Variants in OXTR observed in about 807,000 individuals in gnomAD.
OXTR encodes oxytocin receptor.
In OXTR, 19 loss-of-function variants were observed where a neutral mutation model predicts 23.9. That is an observed-to-expected ratio of 0.80 (90% CI 0.56 to 1.17). The LOEUF is 1.17. OXTR is among the 50% of genes most tolerant of loss of function. The probability of loss-of-function intolerance (pLI) is 0.00; values close to 1 mark genes in which losing one functional copy is unlikely to be tolerated. For synonymous variants in OXTR, 278 were observed against 250.5 expected, an observed-to-expected ratio of 1.11 and a Z score of -1.04; for missense variants, 500 against 550.7, an observed-to-expected ratio of 0.91 and a Z score of 0.92.
chr3:8,761,079 A>G (rs950800748), intron 3 of OXTR, among the ~76,000 whole-genome samples: 5 of 152,240 alleles, frequency 3.3e-5, no homozygotes, highest in African/African-American at 1.2e-4. Context: ...TACCATGCAC[A>G]GAACAGCTCC....
intron 3 of OXTR, among the ~76,000 whole-genome samples, chr3:8,758,753 C>T (rs1367223280): frequency 1.3e-5 from 2 of 152,186 alleles, no homozygotes; most frequent in Non-Finnish European, 2.9e-5. Flanking sequence ...TCTGACAGCA[C>T]TGCTCCAATC....
chr3:8,752,240 C>CGTGTGTGTGTGTGTGTGT lies in OXTR; in HGVS notation c.*719_*736dup, dbSNP rs35783701. ...GCTTATTAGTTCTAATAGCTGTGTG[C>CGTGTGTGTGTGTGTGTGT]GTGTGTGTGTGTGTGTGTGTGTGTG... On this transcript the variant is annotated 3_prime_UTR_variant, in exon 4 of 4. Coordinates refer to ENST00000316793, the MANE Select transcript of OXTR (RefSeq NM_000916.4). 6 of 147,750 alleles carry CGTGTGTGTGTGTGTGTGT rather than the reference C, an allele frequency of 4.1e-5. No individual in the cohort carries two copies. The highest frequency in any genetic ancestry group is 6.8e-5 in the Admixed American group (1 of 14,782). The allele number at this position is 147,750 out of a possible 1,614,324, so 9.2% of individuals were successfully genotyped here.
chr3:8,761,461 A>T (rs934364383), intron 3 of OXTR, among the ~76,000 whole-genome samples: 31 of 152,210 alleles, frequency 2.0e-4, no homozygotes, highest in African/African-American at 7.5e-4. Flanking sequence ...GAGATCCCCA[A>T]GTCGAAGGTG....
chr3:8,748,519 G>T (rs1708204256), downstream of OXTR, among the ~76,000 whole-genome samples: 1 of 152,186 alleles, frequency 6.6e-6, no homozygotes, highest in Non-Finnish European at 1.5e-5. Context: ...GGGATCTGGG[G>T]TCTACAAGCC....
At position 8,763,778 on chromosome 3, in the gene OXTR, G is replaced by A. The variant is rs530979130; in HGVS notation, c.922+3488C>T. ...AGATGCTCCCATTGGCTCTTTCTTCGGAATCATGGAAATATTTAAACTTAA... is the reference window on the plus strand; with the variant it reads ...AGATGCTCCCATTGGCTCTTTCTTCAGAATCATGGAAATATTTAAACTTAA... On this transcript the variant is annotated intron_variant, in intron 3 of 3. Transcript: ENST00000316793. 1.2e-4 allele frequency among the ~76,000 whole-genome samples: 18 copies of A among 152,164 alleles called. No homozygotes were observed. In the South Asian group the frequency reaches 1.7e-3, roughly 14 times the overall value.
Position 8,767,536 on chromosome 3 carries a change from C to A in OXTR, c.652G>T (p.Ala218Ser). 6.2e-7 allele frequency: 1 copy of A among 1,612,956 alleles called. No individual in the cohort carries two copies. Among genetic ancestry groups the A allele is most frequent in the Non-Finnish European group, 8.5e-7 (1 of 1,179,602 alleles). Residue 218 changes from alanine to serine, a missense_variant, in exon 3 of 4, where the codon GCC becomes TCC. Physicochemically the swap from Ala to Ser is moderately conservative, Grantham distance 99. Coordinates refer to ENST00000316793, the MANE Select transcript of OXTR (RefSeq NM_000916.4). ...VYIVPVIVLA[A>S]CYGLISFKIW... Reference sequence around the variant, plus strand: ...TTGAAGCTGATAAGGCCGTAGCAGGCAGCGAGCACGATGACCGGCACGATG... The same window carrying A: ...TTGAAGCTGATAAGGCCGTAGCAGGAAGCGAGCACGATGACCGGCACGATG...
rs1304406777 is a variant in OXTR at position 8,753,071 on chromosome 3, T to A, written c.1076A>T (p.Glu359Val). 6.2e-7 allele frequency: 1 copy of A among 1,613,896 alleles called. No individual in the cohort carries two copies. The highest frequency in any genetic ancestry group is 1.7e-5 in the Admixed American group (1 of 60,002). ...GTTGCTCTTTTTGCTGGCACTCGTC[T>A]CTCCCAGGCGTCTGCCCTTCAGGTA... ...ASYLKGRRLGETSASKKSNSS... is the reference protein window; with the variant it reads ...ASYLKGRRLGVTSASKKSNSS... Residue 359 changes from glutamate (E) to valine (V), a missense_variant, in exon 4 of 4, where the codon GAG becomes GTG. Transcript: ENST00000316793.
In OXTR at chr3:8,753,121, C is replaced by T. The variant is rs1708302200; in HGVS notation, c.1026G>A (p.Gln342=). 1.9e-6 allele frequency: 3 copies of T among 1,614,040 alleles called. No individual in the cohort carries two copies. Among genetic ancestry groups the T allele is most frequent in the Non-Finnish European group, 2.5e-6 (3 of 1,180,046 alleles). The change falls in exon 4 of 4, where the codon CAG becomes CAA. Residue 342 remains glutamine (Q), a synonymous_variant. Coordinates refer to ENST00000316793, the MANE Select transcript of OXTR (RefSeq NM_000916.4). The part of the protein sequence containing the change: ...FTGHLFHELV[Q]RFLCCSASYL... ...AGCTGGCGGAGCAGCACAGGAAGCG[C>T]TGCACGAGTTCGTGGAAGAGGTGGC...
the OXTR span, among the ~76,000 whole-genome samples, chr3:8,741,787 C>T: frequency 1.3e-5 from 2 of 152,182 alleles, no homozygotes; most frequent in Non-Finnish European, 2.9e-5. Context: ...TCCTCCCCCG[C>T]ATCCTCAAGC....
At chr3:8,749,547 T>C (rs1198502042), downstream of OXTR, among the ~76,000 whole-genome samples, 1 of 152,172 alleles carries the variant, frequency 6.6e-6, no homozygotes, top group Non-Finnish European at 1.5e-5. Flanking sequence ...GCTGCTGCAT[T>C]TGCACCCAGA....
intron 3 of OXTR, among the ~76,000 whole-genome samples, chr3:8,761,766 C>T (rs1204205773): frequency 6.6e-6 from 1 of 152,230 alleles, no homozygotes; most frequent in Non-Finnish European, 1.5e-5. Context: ...CCCACTCCTC[C>T]CTTCACCAAA....
At chr3:8,748,737 TAA>T (rs1449659551), downstream of OXTR, among the ~76,000 whole-genome samples, 1 of 152,224 alleles carries the variant, frequency 6.6e-6, no homozygotes, top group Non-Finnish European at 1.5e-5. Flanking sequence ...CATTTTGCCT[TAA>T]GTGGCGTTTC....
In OXTR at chr3:8,767,653, C is replaced by T. The variant is rs202006989; in HGVS notation, c.535G>A (p.Glu179Lys). Residue 179 changes from glutamate (E) to lysine (K), a missense_variant, in exon 3 of 4, where the codon GAG becomes AAG. Transcript: ENST00000316793. ...CAGTCGAAGACGCCGTCAGCCACCT[C>T]GCGCAGAGAGAAGATGTGCACCTGC... The part of the protein sequence containing the change: ...APQVHIFSLR[E>K]VADGVFDCWA... 6 of 1,612,686 alleles carry T rather than the reference C, an allele frequency of 3.7e-6. No individual in the cohort carries two copies. Among genetic ancestry groups the T allele is most frequent in the Admixed American group, 1.7e-5 (1 of 59,956 alleles).
At chr3:8,742,856 T>C in the OXTR span, among the ~76,000 whole-genome samples, 3 of 152,162 alleles carry the variant, frequency 2.0e-5, no homozygotes, top group Non-Finnish European at 2.9e-5. Flanking sequence ...CTGTTTTTCA[T>C]TGCTATAAAG....
intron 3 of OXTR, among the ~76,000 whole-genome samples, chr3:8,759,945 C>G (rs531716233): frequency 6.6e-6 from 1 of 152,328 alleles, no homozygotes; most frequent in East Asian, 1.9e-4. Context: ...TACCTCTAAA[C>G]CAGAGCTAGA....
the OXTR span, among the ~76,000 whole-genome samples, chr3:8,741,577 CAG>C: frequency 1.3e-5 from 2 of 152,124 alleles, no homozygotes; most frequent in African/African-American, 4.8e-5. Context: ...CCTAGGATCT[CAG>C]AGAGGGAAAG....
rs770858346 is a variant in OXTR, at chr3:8,751,141, GTAT to G, written c.*1833_*1835del. ...TTTCCCTAATGAATAATAATGTTGAGTATTTTTTCATGTGCTTAGTAGCCATTT... is the reference window on the plus strand; with the variant it reads ...TTTCCCTAATGAATAATAATGTTGAGTTTTTCATGTGCTTAGTAGCCATTT... On this transcript the variant is annotated 3_prime_UTR_variant, in exon 4 of 4. Transcript: ENST00000316793. The G allele has an allele frequency of 1.3e-5, 2 of 152,284 alleles. No individual in the cohort carries two copies. Among genetic ancestry groups the G allele is most frequent in the Non-Finnish European group, 2.9e-5 (2 of 68,024 alleles). The allele number at this position is 152,284 out of a possible 1,614,324, so 9.4% of individuals were successfully genotyped here. A position where few individuals can be genotyped will look rare whatever the true frequency, so the allele number is the denominator to read the frequency against.
downstream of OXTR, among the ~76,000 whole-genome samples, chr3:8,749,615 T>C (rs765788113): frequency 6.6e-6 from 1 of 152,180 alleles, no homozygotes; most frequent in Non-Finnish European, 1.5e-5. Flanking sequence ...CCTGTTAGCT[T>C]CCCAAAGAGC....
intron 3 of OXTR, among the ~76,000 whole-genome samples, chr3:8,766,675 C>A (rs934876519): frequency 6.6e-6 from 1 of 152,178 alleles, no homozygotes; most frequent in Admixed American, 6.5e-5. Context: ...TTTGTCTTCA[C>A]CTCTCCCTTG....
Sources: gnomAD v4.1 joint callset for allele counts (sites outside exome capture counted in the v4.1 genomes callset) on GRCh38, gnomAD v4.1.1 for gene constraint, MANE v1.5 for transcripts, NCBI Gene and HGNC (gene_info 2026-07-23, HGNC 2026-07-21) for gene names.